GABRB1: variants seen among roughly 807,000 people sequenced by gnomAD.
The protein encoded by GABRB1 is gamma-aminobutyric acid receptor subunit beta-1.
GABRB1 carries 17 observed loss-of-function variants against 51.6 expected under a neutral mutation model. That is an observed-to-expected ratio of 0.33 (90% CI 0.23 to 0.49). GABRB1 has a LOEUF of 0.49. GABRB1 is among the 20% of genes least tolerant of loss of function. The probability of loss-of-function intolerance (pLI) is 0.99; values close to 1 mark genes in which losing one functional copy is unlikely to be tolerated. For missense variants in GABRB1, 410 were observed against 600.6 expected, an observed-to-expected ratio of 0.68 and a Z score of 3.32; for synonymous variants, 247 against 218.9, an observed-to-expected ratio of 1.13 and a Z score of -1.14.
At chr4:47,209,365 A>G (rs2109807843) in intron 4 of GABRB1, among the ~76,000 whole-genome samples, 1 of 152,232 alleles carries the variant, frequency 6.6e-6, no homozygotes, top group Non-Finnish European at 1.5e-5. Context: ...TTTTCTTTTC[A>G]CTAAACAAAG....
chr4:47,004,786 A>G (rs1290896670), intron 1 of GABRB1, among the ~76,000 whole-genome samples: 3 of 152,222 alleles, frequency 2.0e-5, no homozygotes. Flanking sequence ...TTATTCTGTC[A>G]ATGTGTATTT....
At chr4:47,121,761 T>C (rs907073366) in intron 3 of GABRB1, among the ~76,000 whole-genome samples, 5 of 152,212 alleles carry the variant, frequency 3.3e-5, no homozygotes, top group African/African-American at 1.2e-4. Flanking sequence ...AATTATTTTA[T>C]GCAAATTAAA....
intron 4 of GABRB1, among the ~76,000 whole-genome samples, chr4:47,172,694 T>G (rs1718492782): frequency 2.3e-5 from 3 of 128,876 alleles, no homozygotes; most frequent in East Asian, 2.4e-4. Flanking sequence ...CAGGCTGAAG[T>G]GCAGTGGCAC....
rs1718783611 is a variant in GABRB1 at position 47,178,253 on chromosome 4, C to A, written c.461+16784C>A. Among the ~76,000 whole-genome samples the A allele has an allele frequency of 2.0e-5, 3 of 152,202 alleles. No homozygotes were observed. In the South Asian group the frequency reaches 6.2e-4, roughly 32 times the overall value. ...AACACTCAATGAATGGGAACTATGT[C>A]TATTCTTAGAAATTGCTCTCTGGGT... On this transcript the variant is annotated intron_variant, in intron 4 of 8. Transcript: ENST00000295454.
At chr4:47,171,314 G>A (rs1236216838) in intron 4 of GABRB1, among the ~76,000 whole-genome samples, 2 of 151,412 alleles carry the variant, frequency 1.3e-5, no homozygotes, top group Admixed American at 6.6e-5. Flanking sequence ...AAGAAAAAAA[G>A]GAAGGAAGGA....
At chr4:47,301,416 T>C (rs1487534415) in intron 4 of GABRB1, among the ~76,000 whole-genome samples, 1 of 152,048 alleles carries the variant, frequency 6.6e-6, no homozygotes, top group East Asian at 1.9e-4. Flanking sequence ...GCAGGAAGAT[T>C]GCTTGAACCC....
At chr4:47,391,047 G>C (rs535142474) in intron 5 of GABRB1, among the ~76,000 whole-genome samples, 5 of 152,194 alleles carry the variant, frequency 3.3e-5, no homozygotes, top group Middle Eastern at 3.4e-3. Context: ...GTGGTGGCAC[G>C]TGCCTGTAAT....
chr4:47,321,623 A>T (rs969534937), intron 5 of GABRB1, among the ~76,000 whole-genome samples: 1 of 152,240 alleles, frequency 6.6e-6, no homozygotes, highest in African/African-American at 2.4e-5. Flanking sequence ...ATCATATACT[A>T]GTAGCTAATA....
In GABRB1 at chr4:47,327,983, C is replaced by A. The variant is rs778000744; in HGVS notation, c.544+7774C>A. ...CCTCTCCAGCACCTGTTGTTTCCTG[C>A]CTTTTTAATGATCGCCATTCTAACT... is the stretch of plus-strand genomic sequence containing the variant. On this transcript the variant is annotated intron_variant, in intron 5 of 8. Transcript: ENST00000295454. Among the ~76,000 whole-genome samples, 103 of 152,206 alleles carry A rather than the reference C, an allele frequency of 6.8e-4. 1 individual carries two copies. Among genetic ancestry groups the A allele is most frequent in the Middle Eastern group, 6.8e-3 (2 of 294 alleles).
chr4:47,064,196 C>T (rs1452582074), intron 3 of GABRB1, among the ~76,000 whole-genome samples: 1 of 152,180 alleles, frequency 6.6e-6, no homozygotes, highest in African/African-American at 2.4e-5. Context: ...TGCCTCTGCC[C>T]TGTGCACTTG....
At chr4:47,080,871 G>A (rs1577889983) in intron 3 of GABRB1, among the ~76,000 whole-genome samples, 2 of 152,242 alleles carry the variant, frequency 1.3e-5, no homozygotes, top group Admixed American at 6.5e-5. Flanking sequence ...AGATTTTTGG[G>A]TAAACACAAA....
chr4:47,239,462 T>C (rs34457317), intron 4 of GABRB1, among the ~76,000 whole-genome samples: 33,237 of 152,086 alleles, frequency 0.22, 3,869 homozygotes, highest in African/African-American at 0.29. Flanking sequence ...CTTTAGTGGA[T>C]ACTGGCATGT....
intron 3 of GABRB1, among the ~76,000 whole-genome samples, chr4:47,143,623 C>T (rs1359667746): frequency 1.3e-5 from 2 of 151,894 alleles, no homozygotes; most frequent in Non-Finnish European, 2.9e-5. Flanking sequence ...TGTCATTCAA[C>T]TCTCTATAGC....
chr4:47,017,636 A>T (rs1017446387), intron 1 of GABRB1, among the ~76,000 whole-genome samples: 9 of 152,106 alleles, frequency 5.9e-5, no homozygotes, highest in Admixed American at 4.6e-4. Context: ...TCACACTCAC[A>T]CACACACACA....
At chr4:47,403,083 A>G (rs1728452183) in intron 5 of GABRB1, among the ~76,000 whole-genome samples, 1 of 152,220 alleles carries the variant, frequency 6.6e-6, no homozygotes. Flanking sequence ...ATGACATCAG[A>G]TATCACTAAA....
intron 8 of GABRB1, among the ~76,000 whole-genome samples, chr4:47,416,024 G>C (rs527287282): frequency 6.6e-6 from 1 of 152,310 alleles, no homozygotes; most frequent in East Asian, 1.9e-4. Context: ...GACATACTGA[G>C]TAGTGATGAA....
intron 8 of GABRB1, among the ~76,000 whole-genome samples, chr4:47,423,124 G>GA (rs145404940): frequency 0.081 from 11,531 of 143,020 alleles, 576 homozygotes; most frequent in Middle Eastern, 0.17. Context: ...TATGTGAATG[G>GA]AAAAAAAAAA....
chr4:47,043,871 T>C (rs1264660386), intron 3 of GABRB1, among the ~76,000 whole-genome samples: 1 of 152,138 alleles, frequency 6.6e-6, no homozygotes, highest in African/African-American at 2.4e-5. Context: ...GAAAACATAA[T>C]GCTAGTCTTC....
intron 3 of GABRB1, among the ~76,000 whole-genome samples, chr4:47,047,729 G>C (rs1358548210): frequency 6.6e-6 from 1 of 152,134 alleles, no homozygotes; most frequent in African/African-American, 2.4e-5. Flanking sequence ...AATGTCTTCA[G>C]ATTTATGAAA....
Sources: allele counts gnomAD v4.1 joint callset (sites outside exome capture counted in the v4.1 genomes callset), GRCh38; gene constraint gnomAD v4.1.1; transcripts MANE v1.5; gene names NCBI Gene and HGNC (gene_info 2026-07-23, HGNC 2026-07-21).